ALB: variants seen among roughly 807,000 people sequenced by gnomAD.
ALB encodes serum albumin.
In ALB, 37 loss-of-function variants were observed where a neutral mutation model predicts 74.5. That is an observed-to-expected ratio of 0.50 (90% CI 0.38 to 0.65). The LOEUF (loss-of-function observed/expected upper bound fraction) is 0.65. ALB is among the 30% of genes least tolerant of loss of function. The pLI is 0.00. For synonymous variants in ALB, 249 were observed against 251.6 expected, an observed-to-expected ratio of 0.99 and a Z score of 0.10; for missense variants, 685 against 718.7, an observed-to-expected ratio of 0.95 and a Z score of 0.54.
chr4:73,404,299 T>C lies in ALB; in HGVS notation c.-29T>C. The C allele has an allele frequency of 6.4e-7, 1 of 1,573,302 alleles. No individual in the cohort carries two copies. Among genetic ancestry groups the C allele is most frequent in the African/African-American group, 1.3e-5 (1 of 74,092 alleles). The stretch of plus-strand genomic sequence containing the variant: ...CCCTCCGTTTGTCCTAGCTTTTCTC[T>C]TCTGTCAACCCCACACGCCTTTGGC... On this transcript the variant is annotated 5_prime_UTR_variant, in exon 1 of 15. Coordinates refer to ENST00000295897, the MANE Select transcript of ALB (RefSeq NM_000477.7).
At chr4:73,408,020 T>A (rs1718776003) in intron 3 of ALB, among the ~76,000 whole-genome samples, 2 of 152,336 alleles carry the variant, frequency 1.3e-5, no homozygotes, top group South Asian at 4.1e-4. Flanking sequence ...GGGGTTACAG[T>A]TACTTTCATA....
At chr4:73,413,947 G>C (rs1489729072) in intron 8 of ALB, among the ~76,000 whole-genome samples, 1 of 152,068 alleles carries the variant, frequency 6.6e-6, no homozygotes, top group Non-Finnish European at 1.5e-5. Flanking sequence ...TGTATTTCTT[G>C]AACATCTATA....
chr4:73,418,134 C>A lies in ALB; in HGVS notation c.1475C>A (p.Pro492Gln). The change falls in exon 12 of 15, where the codon CCA (proline) becomes CAA (glutamine). Residue 492 changes from proline (P) to glutamine (Q), a missense_variant. Transcript: ENST00000295897. ...NQLCVLHEKT[P>Q]VSDRVTKCCT... The stretch of plus-strand genomic sequence containing the variant: ...TTATGTGTGTTGCATGAGAAAACGC[C>A]AGTAAGTGACAGAGTCACCAAATGC... The A allele has an allele frequency of 1.2e-6, 2 of 1,614,138 alleles. No individual in the cohort carries two copies. The highest frequency in any genetic ancestry group is 1.7e-6 in the Non-Finnish European group (2 of 1,180,028).
chr4:73,405,053 T>C (rs1718684082), intron 1 of ALB, 63 bp from the exon 2 acceptor site: 1 of 1,454,476 alleles, frequency 6.9e-7, no homozygotes, highest in East Asian at 2.3e-5. Context: ...ATATAAAAAG[T>C]AACATTATTA....
At chr4:73,408,932 AT>A (rs1718800239) in intron 4 of ALB, 127 bp downstream of exon 4, 1 of 886,710 alleles carries the variant, frequency 1.1e-6, no homozygotes, top group Non-Finnish European at 1.7e-6. Flanking sequence ...TGTTATGATG[AT>A]TTTTTAAAGA....
chr4:73,418,175 G>A lies in ALB; in HGVS notation c.1516G>A (p.Val506Met), dbSNP rs1466194225. 6.2e-7 allele frequency: 1 copy of A among 1,614,168 alleles called. No individual in the cohort carries two copies. The highest frequency in any genetic ancestry group is 8.5e-7 in the Non-Finnish European group (1 of 1,180,018). The change falls in exon 12 of 15, where the codon GTG becomes ATG. Residue 506 changes from valine (V) to methionine (M), a missense_variant. By Grantham distance (21) the Val-to-Met change is conservative (BLOSUM62 1). Transcript: ENST00000295897. ...RVTKCCTESL[V>M]NRRPCFSALE... ...CACCAAATGCTGCACAGAATCCTTG[G>A]TGAACAGGCGACCATGCTTTTCAGC...
At chr4:73,418,827 A>G (rs1162529104) in intron 12 of ALB, among the ~76,000 whole-genome samples, 1 of 152,174 alleles carries the variant, frequency 6.6e-6, no homozygotes, top group East Asian at 1.9e-4. Flanking sequence ...AAATTTAGCT[A>G]TAGAAAGTTG....
At chr4:73,412,476 G>A (rs747873061) in intron 7 of ALB, among the ~76,000 whole-genome samples, 27 of 152,030 alleles carry the variant, frequency 1.8e-4, no homozygotes, top group Non-Finnish European at 2.8e-4. Context: ...ACAGAGTTTC[G>A]CTCTTGTTTC....
At position 73,415,065 on chromosome 4, in the gene ALB, T is replaced by C. The variant is rs554927484; in HGVS notation, c.1089T>C (p.Pro363=). Residue 363 remains proline, a synonymous_variant, in exon 9 of 15, where the codon CCT becomes CCC. Transcript: ENST00000295897. ...TGTATGAATATGCAAGAAGGCATCC[T>C]GATTACTCTGTCGTGCTGCTGCTGA... ...MFLYEYARRH[P]DYSVVLLLRL... is the part of the protein sequence containing the mutation. 6 of 1,614,188 alleles carry C rather than the reference T, an allele frequency of 3.7e-6. No homozygotes were observed. The highest frequency in any genetic ancestry group is 1.3e-5 in the African/African-American group (1 of 75,054).
At chr4:73,417,081 A>C (rs1372389177) in intron 10 of ALB, among the ~76,000 whole-genome samples, 1 of 152,224 alleles carries the variant, frequency 6.6e-6, no homozygotes, top group Non-Finnish European at 1.5e-5. Context: ...CATTCTTAAT[A>C]CATGATTATT....
intron 2 of ALB, 23 bp downstream of exon 2, chr4:73,405,196 C>G: frequency 1.3e-6 from 2 of 1,552,670 alleles, no homozygotes; most frequent in Non-Finnish European, 1.8e-6. Context: ...ATTGATGAAT[C>G]AAATTTAATG....
chr4:73,418,035 A>G (rs1209479395), intron 11 of ALB, 53 bp from the exon 12 acceptor site: 1 of 1,574,474 alleles, frequency 6.4e-7, no homozygotes, highest in Non-Finnish European at 8.7e-7. Flanking sequence ...TTTTTAGTAG[A>G]AAATTTTCAG....
At chr4:73,420,620 G>C (rs1719118967) in intron 14 of ALB, among the ~76,000 whole-genome samples, 1 of 152,124 alleles carries the variant, frequency 6.6e-6, no homozygotes, top group African/African-American at 2.4e-5. Flanking sequence ...GTCCTGTTCT[G>C]ACTTATATGA....
chr4:73,405,672 A>G (rs899222130), intron 2 of ALB, among the ~76,000 whole-genome samples: 7 of 150,430 alleles, frequency 4.7e-5, no homozygotes, highest in Non-Finnish European at 5.9e-5. Flanking sequence ...CTCACTGCAA[A>G]CTCCGCCTCC....
At chr4:73,411,811 T>C (rs1211536480) in intron 6 of ALB, among the ~76,000 whole-genome samples, 185 bp from the exon 7 acceptor site, 3 of 152,238 alleles carry the variant, frequency 2.0e-5, no homozygotes, top group Admixed American at 1.3e-4. Context: ...ACACACACTC[T>C]TAAATGGATA....
At position 73,413,589 on chromosome 4, in the gene ALB, A is replaced by T. The variant is rs76242087; in HGVS notation, c.1013A>T (p.Asp338Val). 1 of 1,614,174 alleles carries T rather than the reference A, an allele frequency of 6.2e-7. No homozygotes were observed. Among genetic ancestry groups the T allele is most frequent in the South Asian group, 1.1e-5 (1 of 91,086 alleles). Residue 338 changes from aspartate (D) to valine (V), a missense_variant, in exon 8 of 15, where the codon GAT becomes GTT. Asp to Val is a radical substitution (Grantham distance 152). Coordinates refer to ENST00000295897, the MANE Select transcript of ALB (RefSeq NM_000477.7). Reference protein sequence around the residue: ...SLAADFVESKDVCKNYAEAKD... With the variant: ...SLAADFVESKVVCKNYAEAKD... ...GCTGCTGATTTTGTTGAAAGTAAGG[A>T]TGTTTGCAAAAACTATGCTGAGGCA...
chr4:73,421,397 A>G lies in ALB; in HGVS notation c.*329A>G, dbSNP rs183802114. On this transcript the variant is annotated 3_prime_UTR_variant, in exon 15 of 15. Coordinates refer to ENST00000295897, the MANE Select transcript of ALB (RefSeq NM_000477.7). ...TTCTTGTGGGCTAATTAAATAAATCATTAATACTCTTCTAAGTTATGGATT... is the reference window on the plus strand; with the variant it reads ...TTCTTGTGGGCTAATTAAATAAATCGTTAATACTCTTCTAAGTTATGGATT... 30 of 280,202 alleles carry G rather than the reference A, an allele frequency of 1.1e-4. No individual in the cohort carries two copies. The highest frequency in any genetic ancestry group is 6.3e-4 in the African/African-American group (29 of 46,318). The allele number at this position is 280,202 out of a possible 1,614,324, so 17.4% of individuals were successfully genotyped here. A position where few individuals can be genotyped will look rare whatever the true frequency, so the allele number is the denominator to read the frequency against.
Position 73,413,729 on chromosome 4 carries a change from C to T in ALB, c.1058+95C>T, listed in dbSNP as rs1718939694. On this transcript the variant is annotated intron_variant, in intron 8 of 14. Transcript: ENST00000295897. ...TTTTCTGTGGAGTTGCTACAATTTC[C>T]CTGCTGCCCAGAATGTTTCTTCATC... 7 of 1,214,296 alleles carry T rather than the reference C, an allele frequency of 5.8e-6. No homozygotes were observed. In the East Asian group the frequency reaches 1.5e-4, roughly 25 times the overall value. The allele number at this position is 1,214,296 out of a possible 1,614,324, so 75.2% of individuals were successfully genotyped here. A position where few individuals can be genotyped will look rare whatever the true frequency, so the allele number is the denominator to read the frequency against.
intron 3 of ALB, 134 bp from the exon 4 acceptor site, chr4:73,408,460 A>T (rs942829909): frequency 1.3e-6 from 1 of 758,194 alleles, no homozygotes; most frequent in Non-Finnish European, 2.2e-6. Context: ...GTAAACCTCG[A>T]TTGGGAGGGG....
Sources: gnomAD v4.1 joint callset for allele counts (sites outside exome capture counted in the v4.1 genomes callset) on GRCh38, gnomAD v4.1.1 for gene constraint, MANE v1.5 for transcripts, NCBI Gene and HGNC (gene_info 2026-07-23, HGNC 2026-07-21) for gene names.